Variants in FHIT observed in about 807,000 individuals in gnomAD.
FHIT encodes bis(5'-adenosyl)-triphosphatase.
In FHIT, 19 loss-of-function variants were observed where a neutral mutation model predicts 17.9. The ratio of observed to expected loss-of-function variants is 1.06; its 90% CI spans 0.74 to 1.56. The LOEUF (loss-of-function observed/expected upper bound fraction) is 1.56. Ranked by LOEUF, FHIT falls within the 40% of genes most tolerant of loss-of-function variation. FHIT has a pLI of 0.00. For missense variants in FHIT, 248 were observed against 189.2 expected (o/e 1.31, Z -1.82); for synonymous variants, 81 against 69.7 (o/e 1.16, Z -0.81).
At chr3:59,879,815 T>C (rs192150326) in intron 8 of FHIT, among the ~76,000 whole-genome samples, 278 of 152,294 alleles carry the variant, frequency 1.8e-3, no homozygotes, top group African/African-American at 6.3e-3. Flanking sequence ...GGCTCAGTTA[T>C]TGGTTTAATG....
At chr3:60,685,456 G>C (rs2040841515) in intron 4 of FHIT, among the ~76,000 whole-genome samples, 1 of 152,062 alleles carries the variant, frequency 6.6e-6, no homozygotes, top group South Asian at 2.1e-4. Flanking sequence ...TATGTCTTCT[G>C]CATTGGCCTG....
chr3:60,257,384 T>C (rs1706055222), intron 5 of FHIT, among the ~76,000 whole-genome samples: 1 of 152,172 alleles, frequency 6.6e-6, no homozygotes, highest in Admixed American at 6.5e-5. Flanking sequence ...AGTCATATAT[T>C]ACACTGCTTG....
At chr3:59,908,872 G>A (rs1258578670) in intron 8 of FHIT, among the ~76,000 whole-genome samples, 1 of 121,172 alleles carries the variant, frequency 8.3e-6, no homozygotes, top group Admixed American at 7.9e-5. Context: ...TGGTGACTGT[G>A]AAAGTAATCA....
chr3:60,971,914 A>AT (rs1257212277), intron 3 of FHIT, among the ~76,000 whole-genome samples: 4 of 152,130 alleles, frequency 2.6e-5, no homozygotes, highest in Non-Finnish European at 5.9e-5. Flanking sequence ...CAAATGCTTG[A>AT]TTTTTTACAT....
At chr3:61,173,602 A>T (rs2038074140) in intron 2 of FHIT, among the ~76,000 whole-genome samples, 1 of 152,194 alleles carries the variant, frequency 6.6e-6, no homozygotes, top group Admixed American at 6.5e-5. Context: ...ATTTTCCAAC[A>T]AGCTTTCAGC....
intron 5 of FHIT, among the ~76,000 whole-genome samples, chr3:60,489,885 C>G (rs2107497754): frequency 6.6e-6 from 1 of 152,132 alleles, no homozygotes; most frequent in East Asian, 1.9e-4. Context: ...GAACAGGAGG[C>G]TCCAAACCAA....
At chr3:60,628,719 T>C (rs2039360620) in intron 4 of FHIT, among the ~76,000 whole-genome samples, 1 of 152,210 alleles carries the variant, frequency 6.6e-6, no homozygotes, top group Admixed American at 6.5e-5. Context: ...TAATGGCTTA[T>C]CACCACAATG....
chr3:60,633,019 T>C (rs952592688), intron 4 of FHIT, among the ~76,000 whole-genome samples: 17 of 152,094 alleles, frequency 1.1e-4, no homozygotes, highest in Non-Finnish European at 2.2e-4. Flanking sequence ...GATGGGAGAG[T>C]GTAAGAAGAA....
intron 5 of FHIT, among the ~76,000 whole-genome samples, chr3:60,209,512 C>G (rs1304010344): frequency 1.3e-5 from 2 of 152,166 alleles, no homozygotes; most frequent in East Asian, 1.9e-4. Context: ...TTGGTCCAGA[C>G]AATCCACCCA....
chr3:60,964,759 C>G (rs1553782523), intron 3 of FHIT, among the ~76,000 whole-genome samples: 2 of 151,974 alleles, frequency 1.3e-5, no homozygotes, highest in Non-Finnish European at 2.9e-5. Flanking sequence ...TGAATTGGCC[C>G]CCATTCTCTT....
chr3:60,401,114 T>C (rs949235455), intron 5 of FHIT, among the ~76,000 whole-genome samples: 4 of 152,136 alleles, frequency 2.6e-5, no homozygotes, highest in Non-Finnish European at 5.9e-5. Context: ...AAAGGATCTA[T>C]CCATGACTAA....
chr3:60,937,476 T>C (rs1708237353), intron 3 of FHIT, among the ~76,000 whole-genome samples: 2 of 151,900 alleles, frequency 1.3e-5, no homozygotes, highest in African/African-American at 4.8e-5. Context: ...TTTCAGAGTC[T>C]GATGAGAAAA....
At position 60,029,892 on chromosome 3, in the gene FHIT, T is replaced by TGTGTGTGTGTGTGG. The variant is rs1313144743; in HGVS notation, c.104-15741_104-15740insCCACACACACACAC. Among the ~76,000 whole-genome samples the TGTGTGTGTGTGTGG allele has an allele frequency of 2.8e-5, 3 of 107,216 alleles. No homozygotes were observed. In the East Asian group the frequency reaches 7.2e-4, roughly 26 times the overall value. The allele number at this position is 107,216 out of a possible 152,430, so 70.3% of individuals were successfully genotyped here. A position where few individuals can be genotyped will look rare whatever the true frequency, so the allele number is the denominator to read the frequency against. On this transcript the variant is annotated intron_variant, in intron 5 of 9. Transcript: ENST00000492590. ...CTCATAGAAGCATTGTGTGTGTGTGTGTGTCTGTGTGTGTGTGTGTGTGTG... is the reference window on the plus strand; with the variant it reads ...CTCATAGAAGCATTGTGTGTGTGTGTGTGTGTGTGTGTGGGTGTCTGTGTGTGTGTGTGTGTGTG...
chr3:60,196,531 C>T (rs1569347), intron 5 of FHIT, among the ~76,000 whole-genome samples: 41,408 of 151,872 alleles, frequency 0.27, 6,148 homozygotes, highest in East Asian at 0.53. Context: ...ATCTGCAAAG[C>T]CCATTTGGTC....
chr3:60,833,432 G>A (rs190931372), intron 3 of FHIT, among the ~76,000 whole-genome samples: 39 of 152,186 alleles, frequency 2.6e-4, no homozygotes, highest in Admixed American at 2.6e-3. Flanking sequence ...TTCCTGACAC[G>A]TTCTAGAATC....
At chr3:60,555,914 T>C (rs2036723137) in intron 4 of FHIT, among the ~76,000 whole-genome samples, 1 of 152,214 alleles carries the variant, frequency 6.6e-6, no homozygotes, top group Admixed American at 6.5e-5. Context: ...CTATTATCCA[T>C]TCACTTTGGT....
chr3:60,224,002 A>C (rs1358476784), intron 5 of FHIT, among the ~76,000 whole-genome samples: 1 of 152,170 alleles, frequency 6.6e-6, no homozygotes, highest in Admixed American at 6.5e-5. Context: ...CTTTGAAACA[A>C]ACTTGTATGT....
intron 1 of FHIT, among the ~76,000 whole-genome samples, chr3:61,204,591 TG>T (rs1483197579): frequency 6.6e-6 from 1 of 152,126 alleles, no homozygotes; most frequent in Admixed American, 6.5e-5. Context: ...AGTCCAGCTG[TG>T]TCAGGAATCA....
intron 4 of FHIT, among the ~76,000 whole-genome samples, chr3:60,720,913 C>T (rs1192987192): frequency 1.3e-5 from 2 of 152,134 alleles, no homozygotes; most frequent in African/African-American, 2.4e-5. Flanking sequence ...GGAAACTCTC[C>T]ATCTATTACC....
Sources: allele counts gnomAD v4.1 joint callset (sites outside exome capture counted in the v4.1 genomes callset), GRCh38; gene constraint gnomAD v4.1.1; transcripts MANE v1.5; gene names NCBI Gene and HGNC (gene_info 2026-07-23, HGNC 2026-07-21).